The following PRORP variants were observed in gnomAD, a reference collection of about 807,000 sequenced individuals.
PRORP encodes mitochondrial ribonuclease P catalytic subunit.
A neutral mutation model predicts 59.4 loss-of-function variants in PRORP; 51 were observed. That is an observed-to-expected ratio of 0.86 (90% CI 0.69 to 1.08). PRORP has a LOEUF of 1.08. Among genes scored for constraint, PRORP ranks in the 50% least tolerant of loss-of-function variants. The probability of loss-of-function intolerance (pLI) is 0.00; values close to 1 mark genes in which losing one functional copy is unlikely to be tolerated. For synonymous variants in PRORP, 231 were observed against 245.6 expected (o/e 0.94, Z 0.55); for missense variants, 646 against 690.3 (o/e 0.94, Z 0.72).
chr14:35,182,846 C>G (rs1375272157), intron 5 of PRORP, among the ~76,000 whole-genome samples: 1 of 152,084 alleles, frequency 6.6e-6, no homozygotes, highest in African/African-American at 2.4e-5. Context: ...CTGTAACTTT[C>G]ATTATCTAAA....
At chr14:35,183,092 A>G (rs951338324) in intron 5 of PRORP, among the ~76,000 whole-genome samples, 1 of 152,218 alleles carries the variant, frequency 6.6e-6, no homozygotes, top group Admixed American at 6.5e-5. Context: ...ATGAAAAACA[A>G]CATGCTTAGA....
In PRORP at chr14:35,275,422, G is replaced by A. The variant is rs2051281719; in HGVS notation, c.*1856G>A. 6.6e-6 allele frequency: 1 copy of A among 152,014 alleles called. No homozygotes were observed. The highest frequency in any genetic ancestry group is 1.5e-5 in the Non-Finnish European group (1 of 68,010). The allele number at this position is 152,014 out of a possible 1,614,324, so 9.4% of individuals were successfully genotyped here. ...CATTACTGCACACCAAGACAAAAGA[G>A]CTCTCCAGGAAAACATTGGATATAT... On this transcript the variant is annotated 3_prime_UTR_variant, in exon 8 of 8. Transcript: ENST00000534898.
rs540330824 is a variant in PRORP, at chr14:35,178,962, C to G, written c.1168-1708C>G. Reference sequence around the variant, plus strand: ...TGGTGACAAAATCTCTCAGGATTTGCTTGTCTGTAAAGCATTTTATTTCTC... The same window carrying G: ...TGGTGACAAAATCTCTCAGGATTTGGTTGTCTGTAAAGCATTTTATTTCTC... On this transcript the variant is annotated intron_variant, in intron 4 of 7. Coordinates refer to ENST00000534898, the MANE Select transcript of PRORP (RefSeq NM_014672.4). Among the ~76,000 whole-genome samples the G allele has an allele frequency of 3.9e-5, 6 of 152,184 alleles. No individual in the cohort carries two copies. The East Asian group carries it at 1.2e-3, about 29-fold the overall frequency.
At chr14:35,198,724 T>G (rs1346498502) in intron 5 of PRORP, among the ~76,000 whole-genome samples, 1 of 152,206 alleles carries the variant, frequency 6.6e-6, no homozygotes, top group Non-Finnish European at 1.5e-5. Flanking sequence ...AGAATTGCCT[T>G]CGATGTCTGT....
At position 35,123,884 on chromosome 14, in the gene PRORP, C is replaced by T. The variant is rs1410761823; in HGVS notation, c.639C>T (p.Tyr213=). The T allele has an allele frequency of 6.2e-7, 1 of 1,614,142 alleles. No individual in the cohort carries two copies. Among genetic ancestry groups the T allele is most frequent in the Admixed American group, 1.7e-5 (1 of 60,024 alleles). ...ARYKTLEPRG[Y]SLLIRGLIHS... ...ATAAGACTTTAGAACCTAGAGGTTA[C>T]AGTCTTCTCATCCGGGGATTGATCC... The change falls in exon 2 of 8, where the codon TAC becomes TAT. Residue 213 remains tyrosine, a synonymous_variant. Coordinates refer to ENST00000534898, the MANE Select transcript of PRORP (RefSeq NM_014672.4).
intron 6 of PRORP, among the ~76,000 whole-genome samples, 185 bp from the exon 7 acceptor site, chr14:35,270,216 C>G (rs982021272): frequency 1.3e-5 from 2 of 152,310 alleles, no homozygotes; most frequent in Middle Eastern, 3.4e-3. Context: ...AGCTTTCCAT[C>G]TGTGTTCTAG....
intron 5 of PRORP, among the ~76,000 whole-genome samples, chr14:35,214,799 T>A (rs12587689): frequency 0.34 from 52,356 of 152,050 alleles, 10,682 homozygotes; most frequent in East Asian, 0.69. Context: ...CCCAGCTACT[T>A]GGGTGGCTGA....
intron 5 of PRORP, among the ~76,000 whole-genome samples, chr14:35,187,368 CT>C (rs894457896): frequency 6.7e-6 from 1 of 149,792 alleles, no homozygotes; most frequent in East Asian, 2.0e-4. Context: ...GAAGTGGTAT[CT>C]TTTTTTGTTT....
At chr14:35,200,516 T>G (rs1484400043) in intron 5 of PRORP, among the ~76,000 whole-genome samples, 2 of 152,088 alleles carry the variant, frequency 1.3e-5, no homozygotes, top group Non-Finnish European at 2.9e-5. Flanking sequence ...TTAATTACTC[T>G]CCAGTATTTT....
rs1242329498 is a variant in PRORP at position 35,143,976 on chromosome 14, CA to C, written c.1167+16375del. 67 of 137,156 alleles carry C rather than the reference CA, an allele frequency of 4.9e-4. 2 individuals are homozygous for C. The highest frequency in any genetic ancestry group is 1.4e-3 in the African/African-American group (56 of 39,268). 8.5% of individuals were successfully genotyped at this position (137,156 alleles called of 1,614,324 possible). A position where few individuals can be genotyped will look rare whatever the true frequency, so the allele number is the denominator to read the frequency against. On this transcript the variant is annotated intron_variant, in intron 4 of 7. Transcript: ENST00000534898. ...GACAGGTAGTTTTTTAAATAAGTGG[CA>C]AAAAAAAAACCCTTATATTTAGAAT...
At chr14:35,233,717 T>G (rs79533887) in intron 5 of PRORP, among the ~76,000 whole-genome samples, 2,143 of 152,294 alleles carry the variant, frequency 0.014, 64 homozygotes, top group African/African-American at 0.05. Context: ...TTCCTTTTTT[T>G]TTCCCTGCAC....
At chr14:35,188,392 T>C (rs989530000) in intron 5 of PRORP, among the ~76,000 whole-genome samples, 4 of 151,570 alleles carry the variant, frequency 2.6e-5, no homozygotes, top group Non-Finnish European at 5.9e-5. Flanking sequence ...GGTTTCACCA[T>C]GTTGGTCAGG....
chr14:35,174,415 T>C (rs1247531766), intron 4 of PRORP, among the ~76,000 whole-genome samples: 2 of 152,282 alleles, frequency 1.3e-5, no homozygotes, highest in South Asian at 4.1e-4. Context: ...TATTTACTTA[T>C]TGACTTCGTT....
At chr14:35,184,863 T>G (rs543072414) in intron 5 of PRORP, among the ~76,000 whole-genome samples, 1 of 152,346 alleles carries the variant, frequency 6.6e-6, no homozygotes, top group South Asian at 2.1e-4. Flanking sequence ...CTCATTCTTT[T>G]TTTGGCTGCA....
intron 4 of PRORP, among the ~76,000 whole-genome samples, chr14:35,134,134 A>T (rs1177832898): frequency 6.6e-6 from 1 of 152,160 alleles, no homozygotes. Flanking sequence ...AGAGTCAAAA[A>T]TCTTAGAAGT....
At chr14:35,237,783 G>A (rs1033417367) in intron 5 of PRORP, among the ~76,000 whole-genome samples, 10 of 151,852 alleles carry the variant, frequency 6.6e-5, no homozygotes, top group Admixed American at 2.6e-4. Context: ...CTCAGCCTCC[G>A]CTGGGACTAC....
At chr14:35,248,132 T>C (rs564538218) in intron 5 of PRORP, among the ~76,000 whole-genome samples, 9 of 152,246 alleles carry the variant, frequency 5.9e-5, no homozygotes, top group African/African-American at 2.2e-4. Flanking sequence ...CTCCCTAAAA[T>C]ACCAAAGACT....
chr14:35,185,019 A>G (rs528966251), intron 5 of PRORP, among the ~76,000 whole-genome samples: 1 of 152,054 alleles, frequency 6.6e-6, no homozygotes, highest in Non-Finnish European at 1.5e-5. Context: ...AATGATTTCT[A>G]CTCATCTGGG....
At chr14:35,161,274 A>T (rs886324644) in intron 4 of PRORP, among the ~76,000 whole-genome samples, 1 of 152,216 alleles carries the variant, frequency 6.6e-6, no homozygotes, top group African/African-American at 2.4e-5. Context: ...TTGAGTCCTT[A>T]CAATAGCCCT....
Sources: allele counts gnomAD v4.1 joint callset (sites outside exome capture counted in the v4.1 genomes callset), GRCh38; gene constraint gnomAD v4.1.1; transcripts MANE v1.5; gene names NCBI Gene and HGNC (gene_info 2026-07-23, HGNC 2026-07-21).